The following COL4A6 variants were observed in gnomAD, a reference collection of about 807,000 sequenced individuals.
The protein encoded by COL4A6 is collagen type IV alpha 6 chain, also known as collagen alpha-6(IV) chain.
COL4A6 carries 59 observed loss-of-function variants against 126.7 expected under a neutral mutation model. The ratio of observed to expected loss-of-function variants is 0.47; its 90% CI spans 0.38 to 0.58. The LOEUF (loss-of-function observed/expected upper bound fraction) is 0.58. Among genes scored for constraint, COL4A6 ranks in the 20% least tolerant of loss-of-function variants. The pLI is 0.00. For missense variants in COL4A6, 1,285 were observed against 1,337.3 expected, an observed-to-expected ratio of 0.96 and a Z score of 0.61; for synonymous variants, 547 against 496.6, an observed-to-expected ratio of 1.10 and a Z score of -1.35.
At chrX:108,197,638 C>A (rs1046124699) in intron 13 of COL4A6, among the ~76,000 whole-genome samples, 8 of 111,423 alleles carry the variant, frequency 7.2e-5, no homozygotes, top group African/African-American at 2.6e-4. Context: ...TCAGTGCACT[C>A]CCATGAGTAC....
chrX:108,290,557 T>C (rs933753503), intron 3 of COL4A6, among the ~76,000 whole-genome samples: 5 of 112,559 alleles, frequency 4.4e-5, no homozygotes, highest in Non-Finnish European at 9.4e-5. Flanking sequence ...CTTAGAAATA[T>C]AATCTCAATT....
At chrX:108,279,476 C>G (rs1168801940) in intron 3 of COL4A6, among the ~76,000 whole-genome samples, 1 of 111,721 alleles carries the variant, frequency 9.0e-6, no homozygotes. Context: ...AATACAGGAG[C>G]ACCCAGATTC....
intron 2 of COL4A6, among the ~76,000 whole-genome samples, chrX:108,341,508 T>G (rs2148004939): frequency 9.0e-6 from 1 of 111,083 alleles, no homozygotes; most frequent in African/African-American, 3.3e-5. Flanking sequence ...TTCTTTTGGC[T>G]CTCATTCTCT....
chrX:108,379,149 T>C (rs971347425), intron 2 of COL4A6, among the ~76,000 whole-genome samples: 1 of 112,474 alleles, frequency 8.9e-6, no homozygotes, highest in Non-Finnish European at 1.9e-5. Flanking sequence ...ATGTGTTAGG[T>C]ATTATGTTTG....
intron 5 of COL4A6, among the ~76,000 whole-genome samples, chrX:108,217,175 A>G (rs2035881472): frequency 8.9e-6 from 1 of 112,145 alleles, no homozygotes; most frequent in African/African-American, 3.2e-5. Flanking sequence ...TCATGTTGAG[A>G]TTGTCTACAT....
At chrX:108,293,149 T>C (rs1280251644) in intron 3 of COL4A6, among the ~76,000 whole-genome samples, 2 of 110,348 alleles carry the variant, frequency 1.8e-5, no homozygotes, top group Non-Finnish European at 3.8e-5. Context: ...TGGGAGGTAT[T>C]ATTACAGTAT....
intron 2 of COL4A6, among the ~76,000 whole-genome samples, chrX:108,353,258 C>A (rs904717566): frequency 3.6e-5 from 4 of 111,778 alleles, no homozygotes; most frequent in African/African-American, 9.8e-5. Context: ...ATTATTGCTG[C>A]CCAAACAATC....
chrX:108,346,694 C>T (rs942289677), intron 2 of COL4A6, among the ~76,000 whole-genome samples: 2 of 112,518 alleles, frequency 1.8e-5, no homozygotes, highest in Admixed American at 1.9e-4. Flanking sequence ...GTTCCTACAG[C>T]ATACATCTGG....
chrX:108,315,492 G>A (rs757406842), intron 2 of COL4A6, among the ~76,000 whole-genome samples: 6 of 111,430 alleles, frequency 5.4e-5, no homozygotes, highest in Admixed American at 3.8e-4. Context: ...CTCCCACATC[G>A]GCCTCCAAAA....
At chrX:108,357,859 T>G (rs1006453349) in intron 2 of COL4A6, among the ~76,000 whole-genome samples, 1 of 111,387 alleles carries the variant, frequency 9.0e-6, no homozygotes, top group Non-Finnish European at 1.9e-5. Flanking sequence ...TAGGGATGGC[T>G]TGGGACTGGG....
intron 3 of COL4A6, among the ~76,000 whole-genome samples, chrX:108,289,770 A>G (rs956130166): frequency 5.4e-5 from 6 of 111,454 alleles, no homozygotes; most frequent in African/African-American, 9.8e-5. Flanking sequence ...TCCCTGAATA[A>G]CGCTCACACT....
At chrX:108,215,698 C>T (rs774134356) in intron 5 of COL4A6, among the ~76,000 whole-genome samples, 4 of 111,256 alleles carry the variant, frequency 3.6e-5, no homozygotes, top group Non-Finnish European at 7.5e-5. Flanking sequence ...ACAAATTTTT[C>T]CATAGTCTTA....
intron 21 of COL4A6, among the ~76,000 whole-genome samples, 187 bp from the exon 22 acceptor site, chrX:108,188,214 T>C (rs1457270402): frequency 8.9e-6 from 1 of 112,079 alleles, no homozygotes; most frequent in Non-Finnish European, 1.9e-5. Context: ...TTTTGAAATC[T>C]TTGAAGATGT....
At position 108,175,811 on chromosome X, in the gene COL4A6, A is replaced by G. The variant is rs1247866951; in HGVS notation, c.2687-14T>C. 1.7e-6 allele frequency: 2 copies of G among 1,181,236 alleles called. No homozygotes were observed. Among genetic ancestry groups the G allele is most frequent in the African/African-American group, 3.6e-5 (2 of 55,071 alleles). On this transcript the variant is annotated splice_polypyrimidine_tract_variant and intron_variant, in intron 28 of 44. Coordinates refer to ENST00000334504, the MANE Select transcript of COL4A6 (RefSeq NM_033641.4). Reference sequence around the variant, plus strand: ...ACCCCTTCTCTCCTGTTGAAAAACAAGAACTTTTATTATCACTCCCATTTT... The same window carrying G: ...ACCCCTTCTCTCCTGTTGAAAAACAGGAACTTTTATTATCACTCCCATTTT...
chrX:108,204,605 T>G (rs760102103), intron 11 of COL4A6, 193 bp from the exon 12 acceptor site: 1 of 521,123 alleles, frequency 1.9e-6, no homozygotes, highest in African/African-American at 2.3e-5. Flanking sequence ...CCAGTGAATT[T>G]TGTACCAGCA....
At chrX:108,305,697 A>C (rs73524853) in intron 3 of COL4A6, among the ~76,000 whole-genome samples, 7,126 of 111,725 alleles carry the variant, frequency 0.064, 520 homozygotes, top group African/African-American at 0.2. Context: ...ACAAATGGAC[A>C]GGACTTAATG....
intron 3 of COL4A6, among the ~76,000 whole-genome samples, chrX:108,267,347 C>T: frequency 8.9e-6 from 1 of 112,233 alleles, no homozygotes. Context: ...ACCTTAATTG[C>T]CCCCTGCCAA....
chrX:108,353,730 A>G (rs6524008), intron 2 of COL4A6, among the ~76,000 whole-genome samples: 26,396 of 111,446 alleles, frequency 0.24, 2,716 homozygotes, highest in East Asian at 0.58. Context: ...AGGATGTCTG[A>G]GATTAGCGTA....
intron 2 of COL4A6, among the ~76,000 whole-genome samples, chrX:108,363,479 G>A (rs1018512699): frequency 8.0e-5 from 9 of 111,951 alleles, no homozygotes; most frequent in African/African-American, 2.0e-4. Flanking sequence ...TAGCAGGGGC[G>A]TATTTTCAGC....
Sources: allele counts gnomAD v4.1 joint callset (sites outside exome capture counted in the v4.1 genomes callset), GRCh38; gene constraint gnomAD v4.1.1; transcripts MANE v1.5; gene names NCBI Gene and HGNC (gene_info 2026-07-23, HGNC 2026-07-21).